DGKB: variants seen among roughly 807,000 people sequenced by gnomAD.
DGKB encodes 90 kDa diacylglycerol kinase.
In DGKB, 67 loss-of-function variants were observed where a neutral mutation model predicts 114.3. The ratio of observed to expected loss-of-function variants is 0.59; its 90% confidence interval spans 0.48 to 0.72. The LOEUF (loss-of-function observed/expected upper bound fraction) is 0.72, where lower values mean the gene tolerates loss of function less well. DGKB is among the 30% of genes least tolerant of loss of function. The pLI, the probability that DGKB is intolerant of heterozygous loss-of-function variation, is 0.00. For synonymous variants in DGKB, 398 were observed against 323.1 expected, an observed-to-expected ratio of 1.23 and a Z score of -2.49; for missense variants, 907 against 975.2, an observed-to-expected ratio of 0.93 and a Z score of 0.93.
At chr7:14,499,661 G>T (rs1399802090) in intron 20 of DGKB, among the ~76,000 whole-genome samples, 1 of 151,760 alleles carries the variant, frequency 6.6e-6, no homozygotes, top group East Asian at 1.9e-4. Flanking sequence ...TAAATGGAAT[G>T]ATTTACAAAT....
intron 1 of DGKB, among the ~76,000 whole-genome samples, chr7:14,843,216 T>TA (rs58201538): frequency 0.017 from 2,135 of 125,840 alleles, 28 homozygotes; most frequent in African/African-American, 0.041. Context: ...GATTCTGTCT[T>TA]AAAAAAAAAA....
chr7:14,688,567 T>C (rs578173831), intron 9 of DGKB, among the ~76,000 whole-genome samples: 1 of 152,336 alleles, frequency 6.6e-6, no homozygotes, highest in African/African-American at 2.4e-5. Flanking sequence ...AAATTTCACT[T>C]TATTTCATTA....
chr7:14,428,181 A>T (rs974296991), intron 21 of DGKB, among the ~76,000 whole-genome samples: 3 of 151,906 alleles, frequency 2.0e-5, no homozygotes, highest in African/African-American at 7.3e-5. Context: ...TGATATATAT[A>T]TATAATTTTC....
At chr7:14,321,443 A>C (rs1218314848) in intron 23 of DGKB, among the ~76,000 whole-genome samples, 1 of 152,124 alleles carries the variant, frequency 6.6e-6, no homozygotes, top group Non-Finnish European at 1.5e-5. Flanking sequence ...GAAATCTTTA[A>C]CCTGAAAAGG....
At chr7:14,861,617 C>T (rs1850990494) in intron 1 of DGKB, among the ~76,000 whole-genome samples, 1 of 151,984 alleles carries the variant, frequency 6.6e-6, no homozygotes, top group Non-Finnish European at 1.5e-5. Context: ...AAAGCACTCC[C>T]TTTCACACTG....
chr7:14,408,820 T>C (rs908155626), intron 21 of DGKB, among the ~76,000 whole-genome samples: 7 of 152,090 alleles, frequency 4.6e-5, no homozygotes, highest in African/African-American at 1.7e-4. Flanking sequence ...GTAAAACTTA[T>C]TGAAGATTTG....
chr7:14,751,327 T>A (rs528056744), intron 4 of DGKB, among the ~76,000 whole-genome samples: 3 of 152,212 alleles, frequency 2.0e-5, no homozygotes, highest in Non-Finnish European at 4.4e-5. Flanking sequence ...TTCTACAGTG[T>A]GAATTTAAAT....
intron 6 of DGKB, among the ~76,000 whole-genome samples, chr7:14,711,249 G>T (rs1329544566): frequency 2.6e-5 from 4 of 152,092 alleles, no homozygotes; most frequent in African/African-American, 9.6e-5. Context: ...AGTTTGGAGA[G>T]TTTTAAGCTC....
intron 20 of DGKB, among the ~76,000 whole-genome samples, chr7:14,531,925 T>G (rs553297417): frequency 6.6e-6 from 1 of 150,600 alleles, no homozygotes; most frequent in African/African-American, 2.4e-5. Context: ...ATAGAGAAAA[T>G]AATAGAACTT....
At chr7:14,445,487 T>C (rs1830605991) in intron 21 of DGKB, among the ~76,000 whole-genome samples, 1 of 151,982 alleles carries the variant, frequency 6.6e-6, no homozygotes, top group Admixed American at 6.6e-5. Context: ...CTAAATTATT[T>C]CAAAATGTTT....
intron 1 of DGKB, among the ~76,000 whole-genome samples, chr7:14,854,367 A>G (rs1849818143): frequency 6.6e-6 from 1 of 152,182 alleles, no homozygotes; most frequent in South Asian, 2.1e-4. Context: ...AACGTTTATT[A>G]TAGTAGATCA....
chr7:14,563,676 G>T (rs540842188), intron 20 of DGKB, among the ~76,000 whole-genome samples: 1 of 146,866 alleles, frequency 6.8e-6, no homozygotes, highest in South Asian at 2.2e-4. Flanking sequence ...GTTCTTGGTG[G>T]TTTAATTGGT....
chr7:14,376,173 G>A (rs76145352), intron 21 of DGKB, among the ~76,000 whole-genome samples: 4 of 152,250 alleles, frequency 2.6e-5, no homozygotes, highest in Non-Finnish European at 5.9e-5. Flanking sequence ...CACTTGTGTT[G>A]GTGGCCTGTC....
intron 8 of DGKB, among the ~76,000 whole-genome samples, chr7:14,696,669 CAG>C (rs1237780115): frequency 6.6e-6 from 1 of 152,012 alleles, no homozygotes; most frequent in Admixed American, 6.6e-5. Context: ...ACAAGGGCAA[CAG>C]AAATAATCAG....
chr7:14,165,770 C>A (rs529719604), intron 25 of DGKB, among the ~76,000 whole-genome samples: 2 of 152,290 alleles, frequency 1.3e-5, no homozygotes, highest in Admixed American at 6.5e-5. Flanking sequence ...TCTCTTCTTA[C>A]AATGGTTTAT....
intron 23 of DGKB, among the ~76,000 whole-genome samples, chr7:14,336,541 T>C (rs977491156): frequency 9.2e-5 from 14 of 152,212 alleles, no homozygotes; most frequent in Middle Eastern, 3.4e-3. Flanking sequence ...ACAAGGCCTA[T>C]ATATTCCCAC....
intron 1 of DGKB, among the ~76,000 whole-genome samples, chr7:14,845,601 G>A (rs1192252189): frequency 6.6e-6 from 1 of 152,108 alleles, no homozygotes; most frequent in Non-Finnish European, 1.5e-5. Context: ...TTTTCCCAGT[G>A]CTTAGAAGAG....
At chr7:14,227,886 T>A (rs935906431) in intron 23 of DGKB, among the ~76,000 whole-genome samples, 1 of 152,088 alleles carries the variant, frequency 6.6e-6, no homozygotes, top group East Asian at 1.9e-4. Context: ...GAATTCTGAA[T>A]GACTATGTAT....
intron 20 of DGKB, among the ~76,000 whole-genome samples, chr7:14,507,615 C>T (rs573433536): frequency 1.3e-5 from 2 of 152,250 alleles, no homozygotes; most frequent in East Asian, 1.9e-4. Context: ...TCTTCTTTCA[C>T]CCTTTCTTTT....
Sources: allele counts gnomAD v4.1 joint callset (sites outside exome capture counted in the v4.1 genomes callset), GRCh38; gene constraint gnomAD v4.1.1; transcripts MANE v1.5; gene names NCBI Gene and HGNC (gene_info 2026-07-23, HGNC 2026-07-21).